Variants in TARS1 observed in about 807,000 individuals in gnomAD.
TARS1 encodes threonyl-tRNA synthetase 1, also known as threonine--tRNA ligase 1, cytoplasmic.
Under a neutral mutation model 97.7 loss-of-function variants are expected in TARS1, and 57 were observed. That is an observed-to-expected ratio of 0.58 (90% CI 0.47 to 0.73). The LOEUF is 0.73. Ranked by LOEUF, TARS1 falls within the 30% of genes least tolerant of loss-of-function variation. The pLI, the probability that TARS1 is intolerant of heterozygous loss-of-function variation, is 0.00. For missense variants in TARS1, 806 were observed against 888.3 expected (o/e 0.91, Z 1.18); for synonymous variants, 312 against 293.7 (o/e 1.06, Z -0.64).
At chr5:33,455,270 G>T (rs1452957797) in intron 5 of TARS1, among the ~76,000 whole-genome samples, 2 of 152,292 alleles carry the variant, frequency 1.3e-5, no homozygotes, top group African/African-American at 4.8e-5. Context: ...GATGGAGGTA[G>T]AGTCCTAAGG....
intron 1 of TARS1, 104 bp downstream of exon 1, chr5:33,441,247 A>G: frequency 7.0e-7 from 1 of 1,422,834 alleles, no homozygotes; most frequent in Non-Finnish European, 9.9e-7. Context: ...AGCGGCCGGG[A>G]CCGCGTGGGT....
At chr5:33,464,860 G>A (rs1312844696) in intron 17 of TARS1, among the ~76,000 whole-genome samples, 7 of 151,864 alleles carry the variant, frequency 4.6e-5, no homozygotes, top group African/African-American at 1.2e-4. Flanking sequence ...GGTGGATCAC[G>A]AGGTCAGGAG....
intron 1 of TARS1, among the ~76,000 whole-genome samples, chr5:33,443,306 C>CCTCTCTCCCT (rs1741212223): frequency 3.5e-5 from 3 of 85,558 alleles, no homozygotes; most frequent in African/African-American, 8.7e-5. Flanking sequence ...GTGGTGATTC[C>CCTCTCTCCCT]CTCTCTCTCT....
In TARS1 at chr5:33,467,679, C is replaced by A. The variant is rs141834303; in HGVS notation, c.2143C>A (p.Arg715Ser). Residue 715 changes from arginine to serine, a missense_variant, in exon 19 of 19, where the codon CGC (arginine) becomes AGC (serine). Arg to Ser is a moderately radical substitution (Grantham distance 110). Transcript: ENST00000265112. ...GCGGCTACAGCAGCTCAAAGAGTTC[C>A]GCAGCAAACAGGCAGAAGAAGAATT... ...IERLQQLKEF[R>S]SKQAEEEF The A allele has an allele frequency of 3.7e-6, 6 of 1,612,546 alleles. No individual in the cohort carries two copies. The highest frequency in any genetic ancestry group is 5.1e-6 in the Non-Finnish European group (6 of 1,179,492).
At position 33,458,575 on chromosome 5, in the gene TARS1, C is replaced by G. The variant is rs1236687886; in HGVS notation, c.994C>G (p.Leu332Val). ...DHRKIGRDQE[L>V]YFFHELSPGS... is the part of the protein sequence containing the mutation. ...CTTTTCTTTTACCCAGGACCAAGAA[C>G]TATATTTCTTTCATGAACTCAGCCC... is the stretch of plus-strand genomic sequence containing the variant. The change falls in exon 10 of 19, where the codon CTA (leucine) becomes GTA (valine). Residue 332 changes from leucine (L) to valine (V), a missense_variant. Transcript: ENST00000265112. The G allele has an allele frequency of 6.2e-7, 1 of 1,612,842 alleles. No individual in the cohort carries two copies. Among genetic ancestry groups the G allele is most frequent in the Non-Finnish European group, 8.5e-7 (1 of 1,179,560 alleles).
intron 11 of TARS1, 42 bp downstream of exon 11, chr5:33,459,903 C>T: frequency 1.3e-6 from 2 of 1,585,864 alleles, no homozygotes; most frequent in Non-Finnish European, 1.7e-6. Context: ...TTTTCACATG[C>T]TACAATTCAT....
At chr5:33,445,121 C>T (rs532548596) in intron 1 of TARS1, among the ~76,000 whole-genome samples, 1 of 152,264 alleles carries the variant, frequency 6.6e-6, no homozygotes, top group African/African-American at 2.4e-5. Context: ...TAACTCCTTC[C>T]TACTTTTTAA....
chr5:33,445,435 A>G (rs752251845), intron 2 of TARS1, 31 bp downstream of exon 2: 2 of 1,599,758 alleles, frequency 1.3e-6, no homozygotes, highest in African/African-American at 1.3e-5. Context: ...GGGCTCTGTT[A>G]TCAGAGGTTG....
chr5:33,456,055 C>G lies in TARS1; in HGVS notation c.747C>G (p.Thr249=), dbSNP rs1263366007. The G allele has an allele frequency of 1.9e-6, 3 of 1,613,606 alleles. No homozygotes were observed. The highest frequency in any genetic ancestry group is 2.5e-6 in the Non-Finnish European group (3 of 1,179,826). Residue 249 remains threonine, a synonymous_variant, in exon 7 of 19, where the codon ACC becomes ACG. Transcript: ENST00000265112. The part of the protein sequence containing the change: ...ILNEKVNTPT[T]TVYRCGPLID... ...ATGAAAAGGTGAATACTCCAACTAC[C>G]ACAGTCTATAGGTAAGAATATTAGA...
intron 11 of TARS1, among the ~76,000 whole-genome samples, chr5:33,460,271 C>G (rs1453570326): frequency 6.6e-6 from 1 of 152,170 alleles, no homozygotes; most frequent in Non-Finnish European, 1.5e-5. Context: ...TGTGCCCAGC[C>G]AGATCTCCAG....
chr5:33,456,773 TG>T (rs1742036909), intron 8 of TARS1, among the ~76,000 whole-genome samples: 1 of 152,100 alleles, frequency 6.6e-6, no homozygotes, highest in African/African-American at 2.4e-5. Flanking sequence ...TGGGCAGTTT[TG>T]GGGGTATTGG....
intron 11 of TARS1, 155 bp downstream of exon 11, chr5:33,460,016 A>C: frequency 1.7e-6 from 1 of 601,178 alleles, no homozygotes; most frequent in Non-Finnish European, 2.6e-6. Context: ...TCTGCACCTG[A>C]TTAGATCCCC....
intron 2 of TARS1, 135 bp downstream of exon 2, chr5:33,445,539 G>A: frequency 1.5e-6 from 1 of 651,674 alleles, no homozygotes; most frequent in Non-Finnish European, 2.5e-6. Context: ...GGAAAAATCA[G>A]GAAGAAGAAT....
intron 10 of TARS1, 104 bp from the exon 11 acceptor site, chr5:33,459,591 C>A: frequency 7.5e-7 from 1 of 1,325,468 alleles, no homozygotes; most frequent in Non-Finnish European, 1.0e-6. Flanking sequence ...GGCATGTGTC[C>A]ATCTTTTTCA....
At chr5:33,447,000 G>C (rs1579576253) in intron 2 of TARS1, among the ~76,000 whole-genome samples, 1 of 152,144 alleles carries the variant, frequency 6.6e-6, no homozygotes, top group Non-Finnish European at 1.5e-5. Context: ...AAAGATATTA[G>C]GGCCTGATAC....
Position 33,456,260 on chromosome 5 carries a change from A to G in TARS1, c.837+33A>G, listed in dbSNP as rs370383979. The G allele has an allele frequency of 3.4e-6, 5 of 1,490,166 alleles. No individual in the cohort carries two copies. The African/African-American group carries it at 4.1e-5, about 12-fold the overall frequency. 92.3% of individuals were successfully genotyped at this position (1,490,166 alleles called of 1,614,324 possible). On this transcript the variant is annotated intron_variant, in intron 8 of 18. Transcript: ENST00000265112. ...ATGTAACTTTAAAGACTGTGAATGT[A>G]TCTGTCTAGAATAGATATATGTTTA...
rs1412444954 is a variant in TARS1 at position 33,461,044 on chromosome 5, A to G, written c.1393A>G (p.Ile465Val). 8.7e-6 allele frequency: 14 copies of G among 1,614,168 alleles called. No homozygotes were observed. The highest frequency in any genetic ancestry group is 1.1e-5 in the Non-Finnish European group (13 of 1,180,038). Residue 465 changes from isoleucine (I) to valine (V), a missense_variant, in exon 12 of 19, where the codon ATA (isoleucine) becomes GTA (valine). This residue lies in a region of TARS1 where 446 missense variants were observed against 511.0 expected (regional missense o/e 0.87). Coordinates refer to ENST00000265112, the MANE Select transcript of TARS1 (RefSeq NM_152295.5). ...AAGATTCCAACAGGATGATGCTCACATATTCTGTGCCATGGAGCAGGTATG... is the reference window on the plus strand; with the variant it reads ...AAGATTCCAACAGGATGATGCTCACGTATTCTGTGCCATGGAGCAGGTATG... Reference protein sequence around the residue: ...VRRFQQDDAHIFCAMEQIEDE... With the variant: ...VRRFQQDDAHVFCAMEQIEDE...
intron 16 of TARS1, 36 bp downstream of exon 16, chr5:33,462,239 A>G: frequency 6.4e-7 from 1 of 1,556,534 alleles, no homozygotes; most frequent in South Asian, 1.1e-5. Flanking sequence ...TCTGATTAGT[A>G]TAAATTGGCT....
chr5:33,453,451 A>G (rs745846263), intron 4 of TARS1, 39 bp downstream of exon 4: 2 of 1,610,334 alleles, frequency 1.2e-6, no homozygotes, highest in Non-Finnish European at 1.7e-6. Flanking sequence ...TTTAGGATGC[A>G]GATTCACATT....
Sources: gnomAD v4.1 joint callset for allele counts (sites outside exome capture counted in the v4.1 genomes callset) on GRCh38, gnomAD v4.1.1 for gene constraint, gnomAD v4.1.1 regional missense constraint, MANE v1.5 for transcripts, NCBI Gene and HGNC (gene_info 2026-07-23, HGNC 2026-07-21) for gene names.